The following RBFOX1 variants were observed in gnomAD, a reference collection of about 807,000 sequenced individuals.
The protein encoded by RBFOX1 is RNA binding protein fox-1 homolog 1.
Under a neutral mutation model 57.7 loss-of-function variants are expected in RBFOX1, and 8 were observed. The ratio of observed to expected loss-of-function variants is 0.14; its 90% CI spans 0.08 to 0.25. RBFOX1 has a LOEUF of 0.25. RBFOX1 is among the 10% of genes least tolerant of loss of function. RBFOX1 has a pLI of 1.00. For missense variants in RBFOX1, 611 were observed against 548.5 expected (o/e 1.11, Z -1.14); for synonymous variants, 326 against 222.4 (o/e 1.47, Z -4.15).
chr16:5,419,109 G>T (rs780346844), intron 1 of RBFOX1, among the ~76,000 whole-genome samples: 8 of 152,198 alleles, frequency 5.3e-5, no homozygotes, highest in African/African-American at 9.6e-5. Flanking sequence ...GTGTGCCATT[G>T]TTCCCTGGTG....
At chr16:7,362,187 GTGTT>G (rs953460707) in intron 4 of RBFOX1, among the ~76,000 whole-genome samples, 27 of 151,318 alleles carry the variant, frequency 1.8e-4, no homozygotes, top group South Asian at 6.3e-4. Flanking sequence ...GTGTGTGTGT[GTGTT>G]TGTGTATGAT....
chr16:7,460,088 A>C (rs572550309), intron 4 of RBFOX1, among the ~76,000 whole-genome samples: 3 of 152,058 alleles, frequency 2.0e-5, no homozygotes, highest in African/African-American at 7.2e-5. Flanking sequence ...TAATTCATCA[A>C]TTCGAAAATA....
chr16:6,753,696 C>G (rs1334063208), intron 3 of RBFOX1, among the ~76,000 whole-genome samples: 4 of 150,942 alleles, frequency 2.7e-5, no homozygotes, highest in African/African-American at 7.3e-5. Context: ...GCCTCGTGCC[C>G]TCCTCCTGTC....
intron 1 of RBFOX1, among the ~76,000 whole-genome samples, chr16:5,422,199 A>G (rs943570954): frequency 4.8e-5 from 7 of 146,622 alleles, no homozygotes; most frequent in African/African-American, 1.8e-4. Context: ...AGAGGGAGGA[A>G]GGAGAAAGGT....
intron 3 of RBFOX1, among the ~76,000 whole-genome samples, chr16:6,959,973 T>G (rs925186221): frequency 1.3e-5 from 2 of 152,098 alleles, no homozygotes; most frequent in Non-Finnish European, 2.9e-5. Context: ...AGAAAGCCAG[T>G]GCCCTTAAAC....
intron 2 of RBFOX1, among the ~76,000 whole-genome samples, chr16:5,587,657 G>A (rs1267718627): frequency 6.6e-6 from 1 of 152,200 alleles, no homozygotes; most frequent in Non-Finnish European, 1.5e-5. Context: ...AGGTTGCAGT[G>A]AGCCAAGATC....
chr16:7,560,205 G>A (rs1172791918), intron 5 of RBFOX1, among the ~76,000 whole-genome samples: 5 of 152,202 alleles, frequency 3.3e-5, no homozygotes, highest in African/African-American at 1.2e-4. Context: ...TTTTCTGGCT[G>A]CAAAATCTGC....
chr16:7,394,406 C>G (rs1302556682), intron 4 of RBFOX1, among the ~76,000 whole-genome samples: 2 of 152,006 alleles, frequency 1.3e-5, no homozygotes, highest in African/African-American at 4.8e-5. Context: ...AGTCTTCAGC[C>G]TGAATCTCTT....
chr16:5,307,112 G>T (rs887600930), intron 1 of RBFOX1, among the ~76,000 whole-genome samples: 2 of 152,128 alleles, frequency 1.3e-5, no homozygotes, highest in African/African-American at 4.8e-5. Context: ...CACCAACCTG[G>T]CTGTTCCTGG....
At chr16:6,321,922 T>A (rs892224355) in intron 2 of RBFOX1, among the ~76,000 whole-genome samples, 1 of 152,178 alleles carries the variant, frequency 6.6e-6, no homozygotes, top group Non-Finnish European at 1.5e-5. Flanking sequence ...GCAGCACAGA[T>A]TGCTATACAT....
At chr16:6,441,486 G>A (rs781448838) in intron 2 of RBFOX1, among the ~76,000 whole-genome samples, 2 of 151,710 alleles carry the variant, frequency 1.3e-5, no homozygotes, top group Non-Finnish European at 2.9e-5. Flanking sequence ...GGGCAATCTC[G>A]GCCCACTGCA....
chr16:7,231,480 T>G (rs1001726909), intron 4 of RBFOX1, among the ~76,000 whole-genome samples: 4 of 152,114 alleles, frequency 2.6e-5, no homozygotes, highest in African/African-American at 4.8e-5. Flanking sequence ...TAAAAGGCAG[T>G]TCCTCGGGAA....
chr16:6,970,794 C>G (rs992275568), intron 3 of RBFOX1, among the ~76,000 whole-genome samples: 1 of 152,070 alleles, frequency 6.6e-6, no homozygotes, highest in East Asian at 1.9e-4. Flanking sequence ...GGTCTTATGC[C>G]CTGTCTACAA....
At chr16:6,787,646 G>A (rs1017793373) in intron 3 of RBFOX1, among the ~76,000 whole-genome samples, 6 of 152,048 alleles carry the variant, frequency 3.9e-5, no homozygotes, top group African/African-American at 7.2e-5. Flanking sequence ...TTGAAGACAC[G>A]TTATTACAAG....
At chr16:7,650,596 A>G (rs2064839868) in intron 11 of RBFOX1, among the ~76,000 whole-genome samples, 1 of 152,048 alleles carries the variant, frequency 6.6e-6, no homozygotes, top group Non-Finnish European at 1.5e-5. Flanking sequence ...CTTCTGTTTC[A>G]TGTTATATCT....
intron 2 of RBFOX1, among the ~76,000 whole-genome samples, chr16:5,498,123 A>G (rs1245232920): frequency 6.6e-6 from 1 of 151,884 alleles, no homozygotes; most frequent in Non-Finnish European, 1.5e-5. Flanking sequence ...TAGTAAGGGG[A>G]TTGCATTTTA....
At chr16:7,479,429 C>T (rs1323588586) in intron 4 of RBFOX1, among the ~76,000 whole-genome samples, 1 of 152,074 alleles carries the variant, frequency 6.6e-6, no homozygotes, top group Admixed American at 6.6e-5. Flanking sequence ...GGTGCCTGGC[C>T]CAAACCCAGG....
chr16:7,502,747 G>A (rs1432172798), intron 4 of RBFOX1, among the ~76,000 whole-genome samples: 1 of 152,158 alleles, frequency 6.6e-6, no homozygotes, highest in African/African-American at 2.4e-5. Context: ...GAATTGGCTG[G>A]GAGTACTGGC....
intron 3 of RBFOX1, among the ~76,000 whole-genome samples, chr16:6,690,134 A>G (rs972759269): frequency 1.3e-5 from 2 of 152,152 alleles, no homozygotes; most frequent in Non-Finnish European, 2.9e-5. Context: ...ATGGTCTTAG[A>G]TTTCAGCCTC....
Sources: allele counts gnomAD v4.1 joint callset (sites outside exome capture counted in the v4.1 genomes callset), GRCh38; gene constraint gnomAD v4.1.1; transcripts MANE v1.5; gene names NCBI Gene and HGNC (gene_info 2026-07-23, HGNC 2026-07-21).